The following FNIP1 variants were observed in gnomAD, a reference collection of about 807,000 sequenced individuals.
The protein encoded by FNIP1 is folliculin interacting protein 1.
Under a neutral mutation model 124.5 loss-of-function variants are expected in FNIP1, and 40 were observed. The ratio of observed to expected loss-of-function variants is 0.32; its 90% CI spans 0.25 to 0.42. The LOEUF is 0.42. Among genes scored for constraint, FNIP1 ranks in the 10% least tolerant of loss-of-function variants. FNIP1 has a pLI of 1.00. For synonymous variants in FNIP1, 472 were observed against 470.6 expected, an observed-to-expected ratio of 1.00 and a Z score of -0.04; for missense variants, 1,176 against 1,403.7, an observed-to-expected ratio of 0.84 and a Z score of 2.59.
In FNIP1 at chr5:131,768,053, T is replaced by A. The variant is rs187548510; in HGVS notation, c.93-23363A>T. 1.1e-3 allele frequency among the ~76,000 whole-genome samples: 169 copies of A among 152,258 alleles called. 1 individual carries two copies. The highest frequency in any genetic ancestry group is 3.8e-3 in the African/African-American group (160 of 41,560). On this transcript the variant is annotated intron_variant, in intron 1 of 17. Coordinates refer to ENST00000510461, the MANE Select transcript of FNIP1 (RefSeq NM_133372.3). ...CAGCTGCTTGGCCATAGTATTACTA[T>A]CATCATTTAATCAAATTAGATGTGA...
At chr5:131,718,027 CA>C (rs34050795) in intron 5 of FNIP1, among the ~76,000 whole-genome samples, 90,673 of 142,558 alleles carry the variant, frequency 0.64, 30,415 homozygotes, top group Non-Finnish European at 0.77. Flanking sequence ...ACTAAAAATA[CA>C]AAAAAAAAAA....
chr5:131,693,154 G>T (rs1768539230), intron 11 of FNIP1, among the ~76,000 whole-genome samples: 2 of 148,918 alleles, frequency 1.3e-5, no homozygotes, highest in Admixed American at 1.3e-4. Flanking sequence ...ATAATTACGT[G>T]AGGTAATAGA....
chr5:131,664,634 C>CAAAAAAAAAAA (rs33956526), intron 15 of FNIP1, among the ~76,000 whole-genome samples: 2 of 77,418 alleles, frequency 2.6e-5, no homozygotes, highest in Non-Finnish European at 2.4e-5. Flanking sequence ...GACCCTGTCT[C>CAAAAAAAAAAA]AAAAAAAAAA....
At chr5:131,678,053 T>A (rs1435592944) in intron 12 of FNIP1, among the ~76,000 whole-genome samples, 181 bp from the exon 13 acceptor site, 2 of 152,198 alleles carry the variant, frequency 1.3e-5, no homozygotes. Context: ...AGTTAATAGT[T>A]TCTGGTTGAG....
rs149627789 is a variant in FNIP1, at chr5:131,671,705, G to T, written c.2739C>A (p.Val913=). Residue 913 remains valine (V), a synonymous_variant, in exon 14 of 18, where the codon GTC becomes GTA. Coordinates refer to ENST00000510461, the MANE Select transcript of FNIP1 (RefSeq NM_133372.3). ...QDQRDTLSIL[V]PHGDKESSDK... ...CTGAACTCTCTTTATCCCCATGGGG[G>T]ACAAGAATGGAGAGTGTATCTCTTT... The T allele has an allele frequency of 1.3e-4, 208 of 1,614,022 alleles. No individual in the cohort carries two copies. Among genetic ancestry groups the T allele is most frequent in the Non-Finnish European group, 1.7e-4 (205 of 1,180,038 alleles).
In FNIP1 at chr5:131,709,226, G is replaced by C. The variant is rs755066050; in HGVS notation, c.753C>G (p.Asp251Glu). ...MDMPGRELNE[D>E]RDSGIARSAS... Reference sequence around the variant, plus strand: ...CAGACCGTGCTATGCCACTGTCTCTGTCCTCATTGAGCTCTCTTCCAGGCA... The same window carrying C: ...CAGACCGTGCTATGCCACTGTCTCTCTCCTCATTGAGCTCTCTTCCAGGCA... Residue 251 changes from aspartate to glutamate, a missense_variant, in exon 8 of 18, where the codon GAC becomes GAG. Physicochemically the swap from Asp to Glu is conservative, Grantham distance 45. Transcript: ENST00000510461. 2 of 1,613,988 alleles carry C rather than the reference G, an allele frequency of 1.2e-6. No homozygotes were observed. Among genetic ancestry groups the C allele is most frequent in the Non-Finnish European group, 1.7e-6 (2 of 1,179,912 alleles).
At chr5:131,778,891 C>A in intron 1 of FNIP1, among the ~76,000 whole-genome samples, 1 of 122,458 alleles carries the variant, frequency 8.2e-6, no homozygotes. Flanking sequence ...TAAACTATCG[C>A]AAGAACAAAA....
rs761703732 is a variant in FNIP1 at position 131,710,635 on chromosome 5, G to A, written c.649C>T (p.Arg217Trp). Reference protein sequence around the residue: ...IGLSQFCSPRRAFSEQGPLRL... With the variant: ...IGLSQFCSPRWAFSEQGPLRL... ...AGCGGACCCTGCTCAGAGAATGCCC[G>A]CCTGGGGCTGCAGAACTGTGAAAGA... Residue 217 changes from arginine (R) to tryptophan (W), a missense_variant, in exon 7 of 18, where the codon CGG (arginine) becomes TGG (tryptophan). By Grantham distance (101) the Arg-to-Trp change is moderately radical. Around this residue, in one of 2 missense-constraint regions of FNIP1, gnomAD observed 1,109 missense variants for 1,288.5 expected, o/e 0.86. Transcript: ENST00000510461. 9.3e-6 allele frequency: 15 copies of A among 1,613,832 alleles called. No homozygotes were observed. Among genetic ancestry groups the A allele is most frequent in the South Asian group, 2.2e-5 (2 of 91,064 alleles).
intron 11 of FNIP1, among the ~76,000 whole-genome samples, chr5:131,687,995 G>C (rs1397670319): frequency 6.6e-6 from 1 of 152,112 alleles, no homozygotes; most frequent in Non-Finnish European, 1.5e-5. Context: ...TATCTGACTT[G>C]AGAGAGAAGC....
chr5:131,702,677 CT>C (rs1276577707), intron 10 of FNIP1, among the ~76,000 whole-genome samples: 2 of 152,154 alleles, frequency 1.3e-5, no homozygotes, highest in African/African-American at 2.4e-5. Context: ...TCTAAAAAAC[CT>C]TTGTCCTTCC....
chr5:131,788,694 CAA>C (rs10715343), intron 1 of FNIP1, among the ~76,000 whole-genome samples: 14 of 58,098 alleles, frequency 2.4e-4, no homozygotes, highest in African/African-American at 6.4e-4. Flanking sequence ...GACTCTGTCT[CAA>C]AAAAAAAAAA....
At chr5:131,666,730 A>C (rs1767614772) in intron 15 of FNIP1, among the ~76,000 whole-genome samples, 1 of 152,210 alleles carries the variant, frequency 6.6e-6, no homozygotes. Context: ...GCAACAATAA[A>C]AACTAAATAC....
At chr5:131,795,614 T>C (rs986449071) in intron 1 of FNIP1, 4 of 152,154 alleles carry the variant, frequency 2.6e-5, no homozygotes, top group African/African-American at 9.7e-5. Context: ...CAGATGAGCA[T>C]GACACATTTA....
chr5:131,748,892 C>T (rs1176924644), intron 1 of FNIP1, among the ~76,000 whole-genome samples: 2 of 151,948 alleles, frequency 1.3e-5, no homozygotes, highest in Non-Finnish European at 2.9e-5. Flanking sequence ...TGTGTTATTA[C>T]TCCTAAAGAC....
At chr5:131,683,683 T>G (rs1472085273) in intron 11 of FNIP1, among the ~76,000 whole-genome samples, 5 of 152,152 alleles carry the variant, frequency 3.3e-5, no homozygotes, top group Non-Finnish European at 5.9e-5. Flanking sequence ...TAATTTTTAT[T>G]GGTTTTTCTT....
At chr5:131,779,035 T>C (rs1157389784) in intron 1 of FNIP1, among the ~76,000 whole-genome samples, 24 of 129,904 alleles carry the variant, frequency 1.8e-4, no homozygotes, top group African/African-American at 7.0e-4. Context: ...TTGGGAGATA[T>C]ACCTAATGCT....
intron 2 of FNIP1, among the ~76,000 whole-genome samples, chr5:131,743,011 G>C (rs1471847227): frequency 6.6e-6 from 1 of 152,084 alleles, no homozygotes; most frequent in East Asian, 1.9e-4. Context: ...TTTACTTTAA[G>C]GTTTTTTTCC....
At chr5:131,796,453 C>G (rs1228456324) in intron 1 of FNIP1, 1 of 232,400 alleles carries the variant, frequency 4.3e-6, no homozygotes, top group Admixed American at 5.7e-5. Context: ...CTTCGCGGCC[C>G]GGAGTACGGC....
chr5:131,724,568 G>C (rs1769790919), intron 3 of FNIP1, among the ~76,000 whole-genome samples: 1 of 151,964 alleles, frequency 6.6e-6, no homozygotes, highest in Non-Finnish European at 1.5e-5. Flanking sequence ...TTTGTTTCTT[G>C]TAAATTTGTT....
Sources: allele counts gnomAD v4.1 joint callset (sites outside exome capture counted in the v4.1 genomes callset), GRCh38; gene constraint gnomAD v4.1.1; regional missense constraint gnomAD v4.1.1; transcripts MANE v1.5; gene names NCBI Gene and HGNC (gene_info 2026-07-23, HGNC 2026-07-21).